Variants in TWF2 observed in about 807,000 individuals in gnomAD.
TWF2 encodes the protein twinfilin actin binding protein 2.
In TWF2, 15 loss-of-function variants were observed where a neutral mutation model predicts 45.1. The ratio of observed to expected loss-of-function variants is 0.33; its 90% CI spans 0.22 to 0.51. TWF2 has a LOEUF of 0.51. TWF2 is among the 20% of genes least tolerant of loss of function. The probability of loss-of-function intolerance (pLI) is 0.97; values close to 1 mark genes in which losing one functional copy is unlikely to be tolerated. For synonymous variants in TWF2, 177 were observed against 195.8 expected (o/e 0.90, Z 0.80); for missense variants, 423 against 469.1 (o/e 0.90, Z 0.91).
intron 2 of TWF2, among the ~76,000 whole-genome samples, chr3:52,232,417 G>A (rs991982115): frequency 2.0e-5 from 3 of 151,560 alleles, no homozygotes; most frequent in African/African-American, 7.3e-5. Context: ...ACAAAGACAC[G>A]CAGCCGTCAG....
chr3:52,231,980 T>C lies in TWF2; in HGVS notation c.246A>G (p.Glu82=). The stretch of plus-strand genomic sequence containing the variant: ...CAGGCGACCAGGCGAGGAAGAGCCA[T>C]TCGAAGCCCTGAGCATTCTGTGAGT... ...RLDSQNAQGF[E]WLFLAWSPDN... Residue 82 remains glutamate (E), a synonymous_variant, in exon 3 of 9, where the codon GAA becomes GAG. Coordinates refer to ENST00000305533, the MANE Select transcript of TWF2 (RefSeq NM_007284.4). 2 of 1,614,000 alleles carry C rather than the reference T, an allele frequency of 1.2e-6. No homozygotes were observed. Among genetic ancestry groups the C allele is most frequent in the South Asian group, 1.1e-5 (1 of 91,084 alleles).
At chr3:52,234,962 TC>T in intron 2 of TWF2, 66 bp downstream of exon 2, 14 of 1,569,240 alleles carry the variant, frequency 8.9e-6, no homozygotes, top group Non-Finnish European at 1.2e-5. Context: ...ACATCCTCCT[TC>T]CCCCACCCAC....
chr3:52,230,850 G>A lies in TWF2; in HGVS notation c.609+20C>T, dbSNP rs1294977897. ...TAGGGGTGGTGGCAGCATGTGCCAG[G>A]GTAGGGAGCAGGCACCCACCATCTG... On this transcript the variant is annotated intron_variant, in intron 6 of 8. Coordinates refer to ENST00000305533, the MANE Select transcript of TWF2 (RefSeq NM_007284.4). 2 of 1,608,880 alleles carry A rather than the reference G, an allele frequency of 1.2e-6. No homozygotes were observed. Among genetic ancestry groups the A allele is most frequent in the South Asian group, 2.2e-5 (2 of 90,194 alleles).
chr3:52,232,358 AC>A (rs1019674779), intron 2 of TWF2: 56 of 556,122 alleles, frequency 1.0e-4, no homozygotes, highest in Non-Finnish European at 4.4e-5. Context: ...GCGTGCACAC[AC>A]CCCCCCACAC....
At chr3:52,235,823 C>T (rs1324692822) in intron 1 of TWF2, among the ~76,000 whole-genome samples, 1 of 152,202 alleles carries the variant, frequency 6.6e-6, no homozygotes, top group Non-Finnish European at 1.5e-5. Context: ...CATGGACACG[C>T]ATGACACCCA....
In TWF2 at chr3:52,230,905, G is replaced by T; in HGVS notation, c.574C>A (p.Gln192Lys). 2 of 1,609,568 alleles carry T rather than the reference G, an allele frequency of 1.2e-6. No homozygotes were observed. Among genetic ancestry groups the T allele is most frequent in the Non-Finnish European group, 1.7e-6 (2 of 1,177,932 alleles). ...LQPEAQRALQ[Q>K]LKQKMVNYIQ... ...TAGTTGACCATTTTCTGCTTGAGCT[G>T]CTGGAGTGCCCGCTGGGCCTCAGGC... Residue 192 changes from glutamine to lysine, a missense_variant, in exon 6 of 9, where the codon CAG becomes AAG. Gln to Lys is a moderately conservative substitution (Grantham distance 53, BLOSUM62 1). Coordinates refer to ENST00000305533, the MANE Select transcript of TWF2 (RefSeq NM_007284.4).
rs1459435811 is a variant in TWF2 at position 52,230,080 on chromosome 3, G to A, written c.610-10C>T. ...GCTCTAGGTCCAGCTTCTGCCCAGG[G>A]CCAAGGGAAGATGGGAGAGCACCAG... On this transcript the variant is annotated splice_polypyrimidine_tract_variant and intron_variant, in intron 6 of 8. Coordinates refer to ENST00000305533, the MANE Select transcript of TWF2 (RefSeq NM_007284.4). 1 of 1,570,764 alleles carries A rather than the reference G, an allele frequency of 6.4e-7. No homozygotes were observed. Among genetic ancestry groups the A allele is most frequent in the East Asian group, 2.3e-5 (1 of 43,942 alleles).
chr3:52,238,368 T>C (rs1397339237), intron 1 of TWF2, among the ~76,000 whole-genome samples: 1 of 151,454 alleles, frequency 6.6e-6, no homozygotes, highest in African/African-American at 2.4e-5. Context: ...CTGGGGAGAG[T>C]GAGTGTCCTG....
chr3:52,230,756 G>A (rs559214170), intron 6 of TWF2, 114 bp downstream of exon 6: 3 of 1,448,910 alleles, frequency 2.1e-6, no homozygotes, highest in Non-Finnish European at 2.8e-6. Context: ...TGGACGAGCT[G>A]AAGGGGACAG....
At position 52,228,996 on chromosome 3, in the gene TWF2, C is replaced by A; in HGVS notation, c.*38G>T. On this transcript the variant is annotated 3_prime_UTR_variant, in exon 9 of 9. Coordinates refer to ENST00000305533, the MANE Select transcript of TWF2 (RefSeq NM_007284.4). ...GTGGCAGGGAGCGGAAGGTGGGCAG[C>A]CCCACAGTCCACACGTGGCCGGCCC... is the stretch of plus-strand genomic sequence containing the variant. 1.3e-6 allele frequency: 2 copies of A among 1,589,064 alleles called. No individual in the cohort carries two copies. Among genetic ancestry groups the A allele is most frequent in the East Asian group, 4.5e-5 (2 of 44,566 alleles).
intron 1 of TWF2, 124 bp downstream of exon 1, chr3:52,238,868 T>G: frequency 7.4e-7 from 1 of 1,351,126 alleles, no homozygotes; most frequent in Non-Finnish European, 9.8e-7. Context: ...GACCCGCGGC[T>G]GCAAAAGAGA....
rs575309854 is a variant in TWF2 at position 52,229,648 on chromosome 3, G to A, written c.882+13C>T. 45 of 1,612,918 alleles carry A rather than the reference G, an allele frequency of 2.8e-5. No homozygotes were observed. In the South Asian group the frequency reaches 4.3e-4, roughly 15 times the overall value. Reference sequence around the variant, plus strand: ...AGGGCCTGGGGAGGTGAGGCCCTGGGGAGGGCGCCTACTTTCTTGGCGATC... The same window carrying A: ...AGGGCCTGGGGAGGTGAGGCCCTGGAGAGGGCGCCTACTTTCTTGGCGATC... On this transcript the variant is annotated intron_variant, in intron 8 of 8. Transcript: ENST00000305533.
rs1699650502 is a variant in TWF2, at chr3:52,228,904, A to G, written c.*130T>C. On this transcript the variant is annotated 3_prime_UTR_variant, in exon 9 of 9. Coordinates refer to ENST00000305533, the MANE Select transcript of TWF2 (RefSeq NM_007284.4). ...AGCCCGGTGGCCCTCGGACGCTGCAAGTGCGTTCAGCTGCCAGCCCTCCTG... is the reference window on the plus strand; with the variant it reads ...AGCCCGGTGGCCCTCGGACGCTGCAGGTGCGTTCAGCTGCCAGCCCTCCTG... The G allele has an allele frequency of 6.5e-6, 9 of 1,394,928 alleles. No homozygotes were observed. In the South Asian group the frequency reaches 1.3e-4, roughly 20 times the overall value. The allele number at this position is 1,394,928 out of a possible 1,614,324, so 86.4% of individuals were successfully genotyped here. A position where few individuals can be genotyped will look rare whatever the true frequency, so the allele number is the denominator to read the frequency against.
At chr3:52,237,905 G>C (rs1348430790) in intron 1 of TWF2, among the ~76,000 whole-genome samples, 1 of 152,236 alleles carries the variant, frequency 6.6e-6, no homozygotes, top group African/African-American at 2.4e-5. Context: ...GGGAGGGGTG[G>C]CTGATGGCCA....
At chr3:52,229,290 C>T in intron 8 of TWF2, 89 bp from the exon 9 acceptor site, 2 of 1,518,534 alleles carry the variant, frequency 1.3e-6, no homozygotes, top group Non-Finnish European at 1.8e-6. Flanking sequence ...GCACCCCTTA[C>T]TCTCACATCC....
intron 2 of TWF2, 96 bp downstream of exon 2, chr3:52,234,933 C>A: frequency 7.1e-7 from 1 of 1,415,924 alleles, no homozygotes; most frequent in Non-Finnish European, 9.8e-7. Flanking sequence ...AAATTGAGGT[C>A]CCGGCAGGCC....
chr3:52,233,278 C>G (rs1024899570), intron 2 of TWF2, among the ~76,000 whole-genome samples: 1 of 152,242 alleles, frequency 6.6e-6, no homozygotes, highest in Non-Finnish European at 1.5e-5. Context: ...TGCCTGGACG[C>G]CCCAACAGAC....
rs372680221 is a variant in TWF2 at position 52,235,016 on chromosome 3, G to T, written c.103+13C>A. 5.8e-5 allele frequency: 94 copies of T among 1,613,068 alleles called. No homozygotes were observed. The highest frequency in any genetic ancestry group is 7.7e-5 in the Non-Finnish European group (91 of 1,179,954). On this transcript the variant is annotated intron_variant, in intron 2 of 8. Transcript: ENST00000305533. ...CCCCCAAGCCTATACCCTGGCCTGT[G>T]AGGGGCACTCACCGTCCTCAATCAC... is the stretch of plus-strand genomic sequence containing the variant.
intron 1 of TWF2, 51 bp downstream of exon 1, chr3:52,238,941 C>T: frequency 1.3e-6 from 2 of 1,548,444 alleles, no homozygotes; most frequent in South Asian, 2.3e-5. Context: ...GGGGGGGGCG[C>T]TTCCGAGAGC....
Sources: allele counts gnomAD v4.1 joint callset (sites outside exome capture counted in the v4.1 genomes callset), GRCh38; gene constraint gnomAD v4.1.1; transcripts MANE v1.5; gene names NCBI Gene and HGNC (gene_info 2026-07-23, HGNC 2026-07-21).